The following STX8 variants were observed in gnomAD, a reference collection of about 807,000 sequenced individuals.
STX8 encodes the protein syntaxin 8.
STX8 carries 23 observed loss-of-function variants against 37.5 expected under a neutral mutation model. The observed-to-expected ratio is 0.61, with a 90% CI of 0.44 to 0.87. STX8 has a LOEUF of 0.87. Among genes scored for constraint, STX8 ranks in the 40% least tolerant of loss-of-function variants. The pLI, the probability that STX8 is intolerant of heterozygous loss-of-function variation, is 0.00. For missense variants in STX8, 313 were observed against 284.7 expected, an observed-to-expected ratio of 1.10 and a Z score of -0.71; for synonymous variants, 115 against 99.1, an observed-to-expected ratio of 1.16 and a Z score of -0.95.
intron 1 of STX8, among the ~76,000 whole-genome samples, chr17:9,572,966 T>C (rs1230959110): frequency 6.6e-6 from 1 of 152,170 alleles, no homozygotes; most frequent in Non-Finnish European, 1.5e-5. Context: ...CCCTTATCTT[T>C]GACCTTTATT....
At chr17:9,565,578 T>C (rs574667657) in intron 2 of STX8, among the ~76,000 whole-genome samples, 5 of 138,542 alleles carry the variant, frequency 3.6e-5, no homozygotes, top group East Asian at 4.2e-4. Context: ...ATCATGTCAC[T>C]GCACTCCAGC....
intron 6 of STX8, among the ~76,000 whole-genome samples, chr17:9,400,076 A>G (rs1912549672): frequency 7.4e-6 from 1 of 134,604 alleles, no homozygotes; most frequent in African/African-American, 3.0e-5. Context: ...TAGGCAGTGG[A>G]ATTATTTATT....
intron 6 of STX8, among the ~76,000 whole-genome samples, chr17:9,416,537 T>C (rs560682554): frequency 1.3e-5 from 2 of 150,390 alleles, no homozygotes; most frequent in Non-Finnish European, 3.0e-5. Context: ...CCCGGCTAAT[T>C]TTTGTATTTT....
intron 7 of STX8, among the ~76,000 whole-genome samples, chr17:9,265,832 A>G (rs1907214071): frequency 6.6e-6 from 1 of 152,194 alleles, no homozygotes; most frequent in Non-Finnish European, 1.5e-5. Context: ...GGGGGGCTTC[A>G]GTGTGTGAAG....
intron 7 of STX8, among the ~76,000 whole-genome samples, chr17:9,357,938 A>G (rs1910940140): frequency 6.6e-6 from 1 of 152,194 alleles, no homozygotes; most frequent in African/African-American, 2.4e-5. Flanking sequence ...TAAGTGCACA[A>G]CAGCCCTCTC....
At chr17:9,511,751 G>A (rs1319838822) in intron 4 of STX8, among the ~76,000 whole-genome samples, 1 of 152,022 alleles carries the variant, frequency 6.6e-6, no homozygotes, top group Non-Finnish European at 1.5e-5. Context: ...AATCAGACAA[G>A]AGAAAGTAAT....
At chr17:9,367,629 C>A (rs145643921) in intron 7 of STX8, among the ~76,000 whole-genome samples, 432 of 152,272 alleles carry the variant, frequency 2.8e-3, no homozygotes, top group Non-Finnish European at 5.2e-3. Context: ...TAAACTAAGG[C>A]CCCCAAACCA....
chr17:9,393,673 A>G (rs1422040149), intron 6 of STX8, among the ~76,000 whole-genome samples: 1 of 152,220 alleles, frequency 6.6e-6, no homozygotes, highest in African/African-American at 2.4e-5. Context: ...CACTAAAACA[A>G]TCTATACAAA....
chr17:9,436,553 G>A (rs148515701), intron 6 of STX8, among the ~76,000 whole-genome samples: 514 of 152,148 alleles, frequency 3.4e-3, no homozygotes, highest in Non-Finnish European at 4.2e-3. Context: ...AACACGCTTC[G>A]GACAGATCAC....
At chr17:9,456,447 A>G (rs1905190123) in intron 6 of STX8, among the ~76,000 whole-genome samples, 1 of 152,236 alleles carries the variant, frequency 6.6e-6, no homozygotes. Context: ...CACTGAGGCC[A>G]CTGAACAGCT....
intron 6 of STX8, among the ~76,000 whole-genome samples, chr17:9,448,380 C>T (rs548089593): frequency 6.6e-6 from 1 of 152,326 alleles, no homozygotes; most frequent in South Asian, 2.1e-4. Flanking sequence ...GCCCTGCCTT[C>T]TCGTTTCAGC....
At chr17:9,531,678 T>G (rs1306258303) in intron 4 of STX8, among the ~76,000 whole-genome samples, 1 of 152,206 alleles carries the variant, frequency 6.6e-6, no homozygotes, top group Non-Finnish European at 1.5e-5. Context: ...CTGAGGGTCT[T>G]AGAATGTGTC....
At chr17:9,314,930 C>A (rs1297095703) in intron 7 of STX8, among the ~76,000 whole-genome samples, 1 of 150,828 alleles carries the variant, frequency 6.6e-6, no homozygotes, top group Non-Finnish European at 1.5e-5. Context: ...GGTGAAACCC[C>A]GTCTCTACTA....
intron 3 of STX8, chr17:9,552,795 G>C (rs1425262132): frequency 6.6e-6 from 1 of 151,898 alleles, no homozygotes; most frequent in Non-Finnish European, 1.5e-5. Context: ...TGGGACTACA[G>C]GCGCCCGCCA....
intron 7 of STX8, among the ~76,000 whole-genome samples, chr17:9,346,117 G>A (rs1910527313): frequency 6.6e-6 from 1 of 152,042 alleles, no homozygotes; most frequent in African/African-American, 2.4e-5. Flanking sequence ...CTCCCAAAGT[G>A]CTGGGATTAC....
intron 6 of STX8, among the ~76,000 whole-genome samples, chr17:9,431,806 C>T (rs746453290): frequency 6.6e-6 from 1 of 152,192 alleles, no homozygotes; most frequent in Non-Finnish European, 1.5e-5. Flanking sequence ...TGTACTGTCT[C>T]CAAATACAGG....
intron 6 of STX8, among the ~76,000 whole-genome samples, chr17:9,416,867 C>A (rs1266773769): frequency 2.0e-5 from 3 of 152,156 alleles, no homozygotes; most frequent in African/African-American, 7.2e-5. Flanking sequence ...TTTCTAACTA[C>A]CCCAATTGTT....
At chr17:9,374,334 G>A (rs567585823) in intron 7 of STX8, among the ~76,000 whole-genome samples, 4 of 152,108 alleles carry the variant, frequency 2.6e-5, no homozygotes, top group South Asian at 2.1e-4. Context: ...CACATGCCTC[G>A]GCCTTCCAAA....
At chr17:9,496,059 GTTTC>G (rs1026216111) in intron 5 of STX8, among the ~76,000 whole-genome samples, 22 of 128,540 alleles carry the variant, frequency 1.7e-4, no homozygotes, top group Non-Finnish European at 2.2e-4. Context: ...ATACCATGCA[GTTTC>G]TTTTTCTTTC....
Sources: allele counts gnomAD v4.1 joint callset (sites outside exome capture counted in the v4.1 genomes callset), GRCh38; gene constraint gnomAD v4.1.1; transcripts MANE v1.5; gene names NCBI Gene and HGNC (gene_info 2026-07-23, HGNC 2026-07-21).